The following SGMS1 variants were observed in gnomAD, a reference collection of about 807,000 sequenced individuals.
SGMS1 encodes phosphatidylcholine:ceramide cholinephosphotransferase 1.
In SGMS1, 13 loss-of-function variants were observed where a neutral mutation model predicts 46.2. The ratio of observed to expected loss-of-function variants is 0.28; its 90% CI spans 0.18 to 0.45. The LOEUF (loss-of-function observed/expected upper bound fraction) is 0.45. Ranked by LOEUF, SGMS1 falls within the 20% of genes least tolerant of loss-of-function variation. The pLI, the probability that SGMS1 is intolerant of heterozygous loss-of-function variation, is 1.00. For missense variants in SGMS1, 324 were observed against 519.9 expected (o/e 0.62, Z 3.66); for synonymous variants, 203 against 187.8 (o/e 1.08, Z -0.66).
chr10:50,481,288 C>T (rs1295260048), intron 3 of SGMS1, among the ~76,000 whole-genome samples: 1 of 152,190 alleles, frequency 6.6e-6, no homozygotes, highest in East Asian at 1.9e-4. Context: ...TTCCAGCTGG[C>T]ATCAGGTCAG....
chr10:50,539,178 C>T (rs1838030420), intron 2 of SGMS1, among the ~76,000 whole-genome samples: 1 of 152,216 alleles, frequency 6.6e-6, no homozygotes, highest in South Asian at 2.1e-4. Flanking sequence ...CCATAGGCCC[C>T]ACCCATTCAC....
At chr10:50,491,417 C>T (rs188856566) in intron 3 of SGMS1, among the ~76,000 whole-genome samples, 1 of 152,222 alleles carries the variant, frequency 6.6e-6, no homozygotes, top group African/African-American at 2.4e-5. Context: ...AGATACTCAG[C>T]ACATTCCTCA....
intron 1 of SGMS1, among the ~76,000 whole-genome samples, chr10:50,622,440 C>A (rs1230972103): frequency 6.6e-6 from 1 of 152,158 alleles, no homozygotes; most frequent in Admixed American, 6.5e-5. Flanking sequence ...GAGTTCACAG[C>A]ACAGCACATC....
At chr10:50,467,492 T>C (rs1170353696) in intron 3 of SGMS1, among the ~76,000 whole-genome samples, 2 of 152,200 alleles carry the variant, frequency 1.3e-5, no homozygotes, top group East Asian at 3.8e-4. Context: ...TGAAAGACTT[T>C]CTCAGCTAAA....
At chr10:50,480,872 A>G (rs1485752392) in intron 3 of SGMS1, among the ~76,000 whole-genome samples, 1 of 152,174 alleles carries the variant, frequency 6.6e-6, no homozygotes, top group Non-Finnish European at 1.5e-5. Context: ...AATTCCCCAC[A>G]GCACCGCACA....
Position 50,307,259 on chromosome 10 carries a change from C to T in SGMS1, c.1125G>A (p.Gln375=), listed in dbSNP as rs78418710. The T allele has an allele frequency of 7.2e-5, 117 of 1,614,074 alleles. No homozygotes were observed. The East Asian group carries it at 2.5e-3, about 34-fold the overall frequency. The change falls in exon 11 of 11, where the codon CAG becomes CAA. Residue 375 remains glutamine (Q), a synonymous_variant. Coordinates refer to ENST00000361781, the MANE Select transcript of SGMS1 (RefSeq NM_147156.4). The surrounding 1 kb of genome is among the most constrained non-coding windows in gnomAD (Gnocchi z 4.2). ...LARVWWYRPF[Q]YFEKNVQGIV... Reference sequence around the variant, plus strand: ...TTCCTTGGACATTCTTTTCAAAGTACTGAAATGGCCTGTACCACCACACCC... The same window carrying T: ...TTCCTTGGACATTCTTTTCAAAGTATTGAAATGGCCTGTACCACCACACCC...
intron 2 of SGMS1, among the ~76,000 whole-genome samples, chr10:50,570,514 A>G (rs1242064115): frequency 6.6e-6 from 1 of 152,244 alleles, no homozygotes; most frequent in Non-Finnish European, 1.5e-5. Flanking sequence ...AATAAGAATA[A>G]AGACCCAATG....
At chr10:50,624,493 A>T, upstream of SGMS1, 1 of 680,556 alleles carries the variant, frequency 1.5e-6, no homozygotes, top group Non-Finnish European at 1.8e-6. Context: ...CTCCCACAAC[A>T]GAAAAAAAAA....
At chr10:50,331,762 C>T (rs982926536) in intron 7 of SGMS1, among the ~76,000 whole-genome samples, 26 of 152,180 alleles carry the variant, frequency 1.7e-4, no homozygotes, top group African/African-American at 6.0e-4. Flanking sequence ...GTGATTAGAT[C>T]ACAAGGGCAG....
chr10:50,543,251 T>C (rs1838071909), intron 2 of SGMS1, among the ~76,000 whole-genome samples: 1 of 152,188 alleles, frequency 6.6e-6, no homozygotes, highest in African/African-American at 2.4e-5. Flanking sequence ...AATATGTGGC[T>C]GCTTTTCTAA....
chr10:50,469,073 T>C lies in SGMS1; in HGVS notation c.-497-2141A>G, dbSNP rs1023539691. 9.2e-5 allele frequency among the ~76,000 whole-genome samples: 14 copies of C among 152,324 alleles called. No individual in the cohort carries two copies. The East Asian group carries it at 2.5e-3, about 27-fold the overall frequency. Reference sequence around the variant, plus strand: ...GGTTATGTTGTAACTTGTCCAAGGTTGCAAATTTGTCCAAGGTCAAACTTT... The same window carrying C: ...GGTTATGTTGTAACTTGTCCAAGGTCGCAAATTTGTCCAAGGTCAAACTTT... On this transcript the variant is annotated intron_variant, in intron 3 of 10. Coordinates refer to ENST00000361781, the MANE Select transcript of SGMS1 (RefSeq NM_147156.4).
intron 6 of SGMS1, among the ~76,000 whole-genome samples, chr10:50,399,613 T>C (rs911990570): frequency 4.6e-5 from 7 of 152,230 alleles, no homozygotes; most frequent in Admixed American, 1.3e-4. Context: ...GTGTATGAAT[T>C]ACCTATATAT....
chr10:50,394,088 T>C (rs1848811078), intron 6 of SGMS1, among the ~76,000 whole-genome samples: 1 of 152,208 alleles, frequency 6.6e-6, no homozygotes. Context: ...TTAAATCCCA[T>C]TCTGACATCT....
intron 2 of SGMS1, among the ~76,000 whole-genome samples, chr10:50,575,634 G>A (rs1279740742): frequency 6.6e-6 from 1 of 152,028 alleles, no homozygotes; most frequent in African/African-American, 2.4e-5. Flanking sequence ...AAGGACACAG[G>A]AAACTTTTGG....
At chr10:50,562,555 T>C (rs944863217) in intron 2 of SGMS1, among the ~76,000 whole-genome samples, 1 of 151,766 alleles carries the variant, frequency 6.6e-6, no homozygotes. Flanking sequence ...CTCCACACTC[T>C]TTTTTTGAGA....
At chr10:50,415,102 C>T (rs1849151612) in intron 6 of SGMS1, among the ~76,000 whole-genome samples, 1 of 152,230 alleles carries the variant, frequency 6.6e-6, no homozygotes, top group African/African-American at 2.4e-5. Flanking sequence ...GCCTGGGTGA[C>T]AGAGCGAGAC....
intron 6 of SGMS1, among the ~76,000 whole-genome samples, chr10:50,429,455 A>ATATTATG (rs1262609875): frequency 3.3e-5 from 5 of 152,168 alleles, no homozygotes; most frequent in African/African-American, 1.2e-4. Flanking sequence ...TGTTGACACA[A>ATATTATG]CAACAATATT....
chr10:50,624,247 A>T (rs1201481247), upstream of SGMS1: 6 of 464,596 alleles, frequency 1.3e-5, no homozygotes, highest in Non-Finnish European at 1.7e-5. Context: ...TGGGACGGTA[A>T]ATCCCTTGGG....
chr10:50,379,438 TTATA>T (rs5784831), intron 6 of SGMS1, among the ~76,000 whole-genome samples: 76,888 of 149,916 alleles, frequency 0.51, 19,802 homozygotes, highest in Middle Eastern at 0.63. Flanking sequence ...GCATATACAT[TTATA>T]TATATATATA....
Sources: allele counts gnomAD v4.1 joint callset (sites outside exome capture counted in the v4.1 genomes callset), GRCh38; gene constraint gnomAD v4.1.1; non-coding constraint Gnocchi (gnomAD v3.1); transcripts MANE v1.5; gene names NCBI Gene and HGNC (gene_info 2026-07-23, HGNC 2026-07-21).